SRPX: variants seen among roughly 807,000 people sequenced by gnomAD.
The protein encoded by SRPX is sushi repeat-containing protein SRPX.
SRPX carries 24 observed loss-of-function variants against 38.1 expected under a neutral mutation model. That is an observed-to-expected ratio of 0.63 (90% confidence interval 0.46 to 0.89). SRPX has a LOEUF of 0.89. SRPX is among the 40% of genes least tolerant of loss of function. The probability of loss-of-function intolerance (pLI) is 0.00; values close to 1 mark genes in which losing one functional copy is unlikely to be tolerated. For missense variants in SRPX, 416 were observed against 377.8 expected, an observed-to-expected ratio of 1.10 and a Z score of -0.84; for synonymous variants, 184 against 153.8, an observed-to-expected ratio of 1.20 and a Z score of -1.45.
At chrX:38,172,222 G>A (rs1938486080) in intron 3 of SRPX, among the ~76,000 whole-genome samples, 165 bp from the exon 4 acceptor site, 1 of 112,157 alleles carries the variant, frequency 8.9e-6, no homozygotes, top group Non-Finnish European at 1.9e-5. Flanking sequence ...GGGAGGTCGA[G>A]GCAGGTGGAT....
intron 4 of SRPX, 71 bp from the exon 5 acceptor site, chrX:38,164,966 A>G: frequency 1.0e-6 from 1 of 997,535 alleles, no homozygotes; most frequent in Non-Finnish European, 1.4e-6. Context: ...CAACACCCAC[A>G]GTTTAAAATA....
At chrX:38,163,438 G>T (rs1938302987) in intron 5 of SRPX, among the ~76,000 whole-genome samples, 1 of 112,040 alleles carries the variant, frequency 8.9e-6, no homozygotes, top group South Asian at 3.7e-4. Context: ...AAAACTCAGT[G>T]GGGAACTCTA....
At position 38,154,443 on chromosome X, in the gene SRPX, G is replaced by T. The variant is rs781292905; in HGVS notation, c.1211+19C>A. The T allele has an allele frequency of 8.4e-7, 1 of 1,194,596 alleles. No homozygotes were observed. Among genetic ancestry groups the T allele is most frequent in the South Asian group, 1.9e-5 (1 of 53,932 alleles). On this transcript the variant is annotated intron_variant, in intron 9 of 9. Transcript: ENST00000378533. ...TGCATTCACAGGGGATAAGATTTAA[G>T]AACAGAACTTCCCCCTACCTGAGCT...
chrX:38,203,280 TG>T (rs1327502578), intron 1 of SRPX, among the ~76,000 whole-genome samples: 1 of 111,170 alleles, frequency 9.0e-6, no homozygotes, highest in Non-Finnish European at 1.9e-5. Context: ...GAGAAGAGAA[TG>T]TCTTCAACCT....
chrX:38,195,142 G>A (rs1290220735), intron 1 of SRPX, among the ~76,000 whole-genome samples: 1 of 110,073 alleles, frequency 9.1e-6, no homozygotes, highest in South Asian at 3.9e-4. Flanking sequence ...CAAAGTGCTG[G>A]GGTTACAGGC....
intron 1 of SRPX, among the ~76,000 whole-genome samples, chrX:38,195,650 C>T (rs754358159): frequency 1.8e-5 from 2 of 111,379 alleles, no homozygotes; most frequent in East Asian, 5.6e-4. Context: ...GGAAGACAAT[C>T]TGATGCACAC....
intron 1 of SRPX, among the ~76,000 whole-genome samples, chrX:38,192,414 C>T (rs1328953583): frequency 1.8e-5 from 2 of 111,231 alleles, no homozygotes; most frequent in Admixed American, 9.6e-5. Flanking sequence ...CTCTCATGCC[C>T]GCTGTCCCCT....
chrX:38,174,779 G>A (rs1938540113), intron 2 of SRPX, among the ~76,000 whole-genome samples: 1 of 111,437 alleles, frequency 9.0e-6, no homozygotes, highest in South Asian at 3.8e-4. Flanking sequence ...ATTCTTTCAA[G>A]GGCAACTGAT....
In SRPX at chrX:38,160,926, C is replaced by G; in HGVS notation, c.775+7G>C. ...GGGGAAACAAAACCAATAAGCAGTA[C>G]TCTTACCTCTTACTTTAACTCGAAA... On this transcript the variant is annotated splice_region_variant and intron_variant, in intron 6 of 9. Coordinates refer to ENST00000378533, the MANE Select transcript of SRPX (RefSeq NM_006307.5). 9 of 1,209,298 alleles carry G rather than the reference C, an allele frequency of 7.4e-6. No homozygotes were observed. The highest frequency in any genetic ancestry group is 1.0e-5 in the Non-Finnish European group (9 of 894,298).
intron 1 of SRPX, among the ~76,000 whole-genome samples, chrX:38,188,746 T>C (rs769838016): frequency 8.9e-6 from 1 of 111,852 alleles, no homozygotes; most frequent in Non-Finnish European, 1.9e-5. Flanking sequence ...ATGGTTACCA[T>C]CTAACATTAT....
intron 9 of SRPX, among the ~76,000 whole-genome samples, chrX:38,151,997 C>G (rs1337593259): frequency 9.0e-6 from 1 of 111,092 alleles, no homozygotes. Flanking sequence ...CCCCAGGCAC[C>G]CAGTCTCTTC....
rs760973074 is a variant in SRPX at position 38,194,712 on chromosome X, C to T, written c.98-16368G>A. ...GATAACGTGAATGAAAAAATCACAACTGCATGTAACAACATGAGCAACTCT... is the reference window on the plus strand; with the variant it reads ...GATAACGTGAATGAAAAAATCACAATTGCATGTAACAACATGAGCAACTCT... On this transcript the variant is annotated intron_variant, in intron 1 of 9. Transcript: ENST00000378533. Among the ~76,000 whole-genome samples, 5 of 111,333 alleles carry T rather than the reference C, an allele frequency of 4.5e-5. No homozygotes were observed. In the South Asian group the frequency reaches 1.9e-3, roughly 42 times the overall value.
chrX:38,157,142 T>C (rs1455062452), intron 7 of SRPX, 113 bp from the exon 8 acceptor site: 1 of 964,155 alleles, frequency 1.0e-6, no homozygotes, highest in African/African-American at 1.9e-5. Flanking sequence ...GAGATAAGGA[T>C]TCAAGTGTAA....
intron 1 of SRPX, among the ~76,000 whole-genome samples, chrX:38,214,520 C>G (rs974180213): frequency 2.4e-4 from 27 of 111,905 alleles, no homozygotes; most frequent in African/African-American, 8.8e-4. Context: ...ATCCCACAAC[C>G]TACTCACGTG....
At chrX:38,200,861 T>G (rs1407143941) in intron 1 of SRPX, among the ~76,000 whole-genome samples, 4 of 112,166 alleles carry the variant, frequency 3.6e-5, no homozygotes, top group Admixed American at 9.4e-5. Context: ...ACATACAGCA[T>G]TTGATGCCTA....
intron 2 of SRPX, among the ~76,000 whole-genome samples, chrX:38,174,797 A>G (rs573478843): frequency 8.9e-6 from 1 of 112,026 alleles, no homozygotes; most frequent in Non-Finnish European, 1.9e-5. Flanking sequence ...GATGTCATAC[A>G]TAGCGGTAGG....
At chrX:38,209,490 G>C (rs1056650405) in intron 1 of SRPX, among the ~76,000 whole-genome samples, 1 of 111,924 alleles carries the variant, frequency 8.9e-6, no homozygotes, top group African/African-American at 3.2e-5. Flanking sequence ...TGGAATGGGA[G>C]GGAGTGAGCT....
At chrX:38,212,875 G>C (rs1183993234) in intron 1 of SRPX, among the ~76,000 whole-genome samples, 3 of 111,123 alleles carry the variant, frequency 2.7e-5, no homozygotes, top group Non-Finnish European at 5.7e-5. Flanking sequence ...TTGAGTCTTG[G>C]GCCTGCCTCT....
chrX:38,149,868 G>A lies in SRPX; in HGVS notation c.1238C>T (p.Ser413Phe), dbSNP rs35318931. The change falls in exon 10 of 10, where the codon TCC (serine) becomes TTC (phenylalanine). Residue 413 changes from serine (S) to phenylalanine (F), a missense_variant. Physicochemically the swap from Ser to Phe is radical, Grantham distance 155 (BLOSUM62 -2). Coordinates refer to ENST00000378533, the MANE Select transcript of SRPX (RefSeq NM_006307.5). ...LRLLLRIPLY[S>F]FSMVLVDKHG... is the part of the protein sequence containing the mutation. ...CTTATCCACTAGCACCATACTGAAG[G>A]AGTAGAGTGGGATTCGCAGCAACAG... 85,139 of 1,203,841 alleles carry A rather than the reference G, an allele frequency of 0.071. 2,529 individuals are homozygous for A. Among genetic ancestry groups the A allele is most frequent in the Non-Finnish European group, 0.085 (75,717 of 893,000 alleles).
Sources: allele counts gnomAD v4.1 joint callset (sites outside exome capture counted in the v4.1 genomes callset), GRCh38; gene constraint gnomAD v4.1.1; transcripts MANE v1.5; gene names NCBI Gene and HGNC (gene_info 2026-07-23, HGNC 2026-07-21).